STEAP1B: variants seen among roughly 807,000 people sequenced by gnomAD.
STEAP1B encodes the protein STEAP family protein MGC87042.
A neutral mutation model predicts 27.9 loss-of-function variants in STEAP1B; 13 were observed. That is an observed-to-expected ratio of 0.47 (90% CI 0.30 to 0.74). The LOEUF (loss-of-function observed/expected upper bound fraction) is 0.74. Ranked by LOEUF, STEAP1B falls within the 30% of genes least tolerant of loss-of-function variation. STEAP1B has a pLI of 0.06. For missense variants in STEAP1B, 250 were observed against 298.7 expected (o/e 0.84, Z 1.20); for synonymous variants, 86 against 107.1 (o/e 0.80, Z 1.22).
At position 22,419,755 on chromosome 7, in the gene STEAP1B, T is replaced by A; in HGVS notation, c.*49A>T. The A allele has an allele frequency of 6.5e-7, 1 of 1,543,724 alleles. No homozygotes were observed. The highest frequency in any genetic ancestry group is 8.8e-7 in the Non-Finnish European group (1 of 1,142,642). On this transcript the variant is annotated 3_prime_UTR_variant, in exon 5 of 5. Coordinates refer to ENST00000678116, the MANE Select transcript of STEAP1B (RefSeq NM_001382447.1). The stretch of plus-strand genomic sequence containing the variant: ...GTTCTGCATGAGCAATCCAATGCTG[T>A]GCTCCAAAGCCTCGTTCTCATTTCC...
intron 4 of STEAP1B, among the ~76,000 whole-genome samples, chr7:22,456,584 C>T (rs568518224): frequency 2.0e-5 from 3 of 152,082 alleles, no homozygotes; most frequent in South Asian, 2.1e-4. Flanking sequence ...GAGACACAAA[C>T]GGAATTTTTA....
intron 4 of STEAP1B, among the ~76,000 whole-genome samples, chr7:22,452,206 G>A (rs1024040824): frequency 6.6e-6 from 1 of 152,208 alleles, no homozygotes; most frequent in Non-Finnish European, 1.5e-5. Context: ...GAAAGACTCT[G>A]GAAGCGAGGG....
At chr7:22,497,363 C>T (rs1441627426) in intron 1 of STEAP1B, among the ~76,000 whole-genome samples, 1 of 152,144 alleles carries the variant, frequency 6.6e-6, no homozygotes, top group Non-Finnish European at 1.5e-5. Context: ...GGAAGCAGAA[C>T]AAGAGCAGAG....
intron 1 of STEAP1B, among the ~76,000 whole-genome samples, chr7:22,495,661 A>G (rs61669917): frequency 5.5e-4 from 83 of 152,292 alleles, no homozygotes; most frequent in African/African-American, 1.9e-3. Context: ...TCTTTAATTT[A>G]CACTTTATGA....
chr7:22,462,999 T>C (rs1785706484), intron 4 of STEAP1B, among the ~76,000 whole-genome samples: 1 of 148,672 alleles, frequency 6.7e-6, no homozygotes, highest in Admixed American at 6.7e-5. Context: ...TGAGCATTTT[T>C]TCATGTGTTT....
In STEAP1B at chr7:22,496,616, A is replaced by G. The variant is rs1786446192; in HGVS notation, c.-31-1730T>C. ...ATGTTCAGATACACAAATACTTACT[A>G]TTGTGTTTCAACTGCCCACAGTATT... On this transcript the variant is annotated intron_variant, in intron 1 of 4. Coordinates refer to ENST00000678116, the MANE Select transcript of STEAP1B (RefSeq NM_001382447.1). Among the ~76,000 whole-genome samples the G allele has an allele frequency of 2.0e-5, 3 of 152,202 alleles. No homozygotes were observed. In the South Asian group the frequency reaches 6.2e-4, roughly 32 times the overall value.
intron 4 of STEAP1B, among the ~76,000 whole-genome samples, chr7:22,487,754 A>C (rs73085135): frequency 0.088 from 13,238 of 149,868 alleles, 640 homozygotes; most frequent in Non-Finnish European, 0.1. Context: ...ACGATGAACC[A>C]AGATCGCACC....
At chr7:22,488,170 C>G (rs1786249148) in intron 4 of STEAP1B, among the ~76,000 whole-genome samples, 1 of 152,204 alleles carries the variant, frequency 6.6e-6, no homozygotes, top group Non-Finnish European at 1.5e-5. Context: ...CACCCCCTCC[C>G]AAGGAGCAAC....
chr7:22,469,369 A>C lies in STEAP1B; in HGVS notation c.762+23196T>G, dbSNP rs1013056618. On this transcript the variant is annotated intron_variant, in intron 4 of 4. Transcript: ENST00000678116. ...TTATATGGTAAGTTACAGGAAGCTA[A>C]GGCTAATTATTGAAGAATGTTTTTT... Among the ~76,000 whole-genome samples, 5 of 152,342 alleles carry C rather than the reference A, an allele frequency of 3.3e-5. No individual in the cohort carries two copies. The South Asian group carries it at 6.2e-4, about 19-fold the overall frequency.
At chr7:22,435,877 C>A (rs1785247171) in intron 4 of STEAP1B, among the ~76,000 whole-genome samples, 1 of 152,198 alleles carries the variant, frequency 6.6e-6, no homozygotes, top group Non-Finnish European at 1.5e-5. Flanking sequence ...ATCAGCTCCA[C>A]CCTACTCCTG....
At chr7:22,434,689 T>C (rs756806266) in intron 4 of STEAP1B, among the ~76,000 whole-genome samples, 8 of 152,208 alleles carry the variant, frequency 5.3e-5, no homozygotes, top group African/African-American at 1.4e-4. Context: ...GACGGAAAGA[T>C]AAAATGTTCC....
At chr7:22,469,621 G>A (rs995805529) in intron 4 of STEAP1B, among the ~76,000 whole-genome samples, 5 of 151,958 alleles carry the variant, frequency 3.3e-5, no homozygotes, top group African/African-American at 7.3e-5. Context: ...ACTTACCACC[G>A]TGATACAGCT....
rs149399697 is a variant in STEAP1B, at chr7:22,486,498, A to G, written c.762+6067T>C. ...TCGCCTTAAACTTCCTCCTATGCCA[A>G]CCCTCTCAGAGGGATTCCTAAATGC... On this transcript the variant is annotated intron_variant, in intron 4 of 4. Coordinates refer to ENST00000678116, the MANE Select transcript of STEAP1B (RefSeq NM_001382447.1). Among the ~76,000 whole-genome samples, 211 of 151,760 alleles carry G rather than the reference A, an allele frequency of 1.4e-3. 5 individuals carry two copies. In the East Asian group the frequency reaches 0.035, roughly 25 times the overall value.
chr7:22,453,975 G>T (rs1406159386), intron 4 of STEAP1B, among the ~76,000 whole-genome samples: 1 of 152,186 alleles, frequency 6.6e-6, no homozygotes, highest in Admixed American at 6.5e-5. Context: ...CTAGTTTGGG[G>T]CTATTATGAA....
chr7:22,470,632 G>A (rs1785865251), intron 4 of STEAP1B, among the ~76,000 whole-genome samples: 1 of 152,126 alleles, frequency 6.6e-6, no homozygotes, highest in Non-Finnish European at 1.5e-5. Flanking sequence ...CAGGTATGGT[G>A]GTGCATGCCT....
chr7:22,435,059 A>G (rs947674861), intron 4 of STEAP1B, among the ~76,000 whole-genome samples: 1 of 152,174 alleles, frequency 6.6e-6, no homozygotes, highest in Non-Finnish European at 1.5e-5. Flanking sequence ...ACTCAGGTCA[A>G]TGTAAATAGC....
In STEAP1B at chr7:22,419,791, C is replaced by A. The variant is rs1785022652; in HGVS notation, c.*13G>T. The A allele has an allele frequency of 6.5e-7, 1 of 1,549,054 alleles. No homozygotes were observed. The highest frequency in any genetic ancestry group is 1.4e-5 in the African/African-American group (1 of 72,916). On this transcript the variant is annotated 3_prime_UTR_variant, in exon 5 of 5. Transcript: ENST00000678116. The stretch of plus-strand genomic sequence containing the variant: ...CTCGTTCTCATTTCCTCTCATGTTA[C>A]TGGCAGGATCTGTCACAAGGTCAGG...
In STEAP1B at chr7:22,436,577, G is replaced by A. The variant is rs546729565; in HGVS notation, c.763-16741C>T. On this transcript the variant is annotated intron_variant, in intron 4 of 4. Transcript: ENST00000678116. ...CACCCTCCAATAGGCCCCAGTGTCC[G>A]TTTTTCCCCTCCTCGTGTCCATGTG... 5.6e-5 allele frequency among the ~76,000 whole-genome samples: 8 copies of A among 142,280 alleles called. No homozygotes were observed. In the East Asian group the frequency reaches 6.0e-4, roughly 11 times the overall value. 93.3% of individuals were successfully genotyped at this position (142,280 alleles called of 152,430 possible). A position where few individuals can be genotyped will look rare whatever the true frequency, so the allele number is the denominator to read the frequency against.
rs1465856158 is a variant in STEAP1B, at chr7:22,500,133, G to A, written c.-51C>T. On this transcript the variant is annotated 5_prime_UTR_variant, in exon 1 of 5. Transcript: ENST00000678116. ...ACTCACCCACTCCTCGCCGTAGCTT[G>A]ACCGTGAGTCTCAGCTGCCGCTGCT... 3 of 153,620 alleles carry A rather than the reference G, an allele frequency of 2.0e-5. No homozygotes were observed. Among genetic ancestry groups the A allele is most frequent in the African/African-American group, 7.2e-5 (3 of 41,504 alleles). 9.5% of individuals were successfully genotyped at this position (153,620 alleles called of 1,614,324 possible). A position where few individuals can be genotyped will look rare whatever the true frequency, so the allele number is the denominator to read the frequency against.
Sources: gnomAD v4.1 joint callset for allele counts (sites outside exome capture counted in the v4.1 genomes callset) on GRCh38, gnomAD v4.1.1 for gene constraint, MANE v1.5 for transcripts, NCBI Gene and HGNC (gene_info 2026-07-23, HGNC 2026-07-21) for gene names.